The following BPIFB2 variants were observed in gnomAD, a reference collection of about 807,000 sequenced individuals.
BPIFB2 encodes the protein BPI fold containing family B member 2.
Under a neutral mutation model 50.1 loss-of-function variants are expected in BPIFB2, and 39 were observed. That is an observed-to-expected ratio of 0.78 (90% CI 0.60 to 1.02). BPIFB2 has a LOEUF of 1.02. BPIFB2 is among the 50% of genes least tolerant of loss of function. BPIFB2 has a pLI of 0.00. For missense variants in BPIFB2, 574 were observed against 585.8 expected, an observed-to-expected ratio of 0.98 and a Z score of 0.21; for synonymous variants, 280 against 256.3, an observed-to-expected ratio of 1.09 and a Z score of -0.88.
At position 33,012,877 on chromosome 20, in the gene BPIFB2, C is replaced by T. The variant is rs780565069; in HGVS notation, c.278C>T (p.Ala93Val). Reference sequence around the variant, plus strand: ...GCTGGTTTCGGAGTGCGCCTGCTGGCAGCAGCTAATTTTACTTTCAAGGTC... The same window carrying T: ...GCTGGTTTCGGAGTGCGCCTGCTGGTAGCAGCTAATTTTACTTTCAAGGTC... ...FIAGFGVRLL[A>V]AANFTFKVFR... Residue 93 changes from alanine (A) to valine (V), a missense_variant, in exon 4 of 16, where the codon GCA (alanine) becomes GTA (valine). Coordinates refer to ENST00000170150, the MANE Select transcript of BPIFB2 (RefSeq NM_025227.3). 6.2e-7 allele frequency: 1 copy of T among 1,613,870 alleles called. No individual in the cohort carries two copies. Among genetic ancestry groups the T allele is most frequent in the South Asian group, 1.1e-5 (1 of 91,066 alleles).
At chr20:33,013,021 T>A in intron 4 of BPIFB2, 114 bp downstream of exon 4, 1 of 803,560 alleles carries the variant, frequency 1.2e-6, no homozygotes, top group Non-Finnish European at 2.1e-6. Context: ...GCCTCTTGAC[T>A]CTCTGTCCAG....
At chr20:33,008,265 C>T (rs1289891982) in intron 1 of BPIFB2, among the ~76,000 whole-genome samples, 2 of 152,136 alleles carry the variant, frequency 1.3e-5, no homozygotes, top group Admixed American at 1.3e-4. Context: ...TTGGGTCCTG[C>T]ACCTGGTCCC....
chr20:33,023,262 C>A, intron 15 of BPIFB2, 80 bp from the exon 16 acceptor site: 3 of 1,428,052 alleles, frequency 2.1e-6, no homozygotes, highest in Non-Finnish European at 3.0e-6. Context: ...CAGAGCAGAA[C>A]TCAGAGCCAG....
intron 15 of BPIFB2, 80 bp downstream of exon 15, chr20:33,021,879 C>A: frequency 7.1e-7 from 1 of 1,400,082 alleles, no homozygotes; most frequent in Non-Finnish European, 1.0e-6. Flanking sequence ...TCTCTCCCTC[C>A]CCCTCTGTGG....
intron 15 of BPIFB2, among the ~76,000 whole-genome samples, chr20:33,022,129 C>T (rs1056011143): frequency 2.6e-5 from 4 of 152,188 alleles, no homozygotes; most frequent in South Asian, 2.1e-4. Context: ...ACAAACTGTG[C>T]AGGCTGGATG....
Position 33,021,330 on chromosome 20 carries a change from T to G in BPIFB2, c.1244T>G (p.Leu415Arg). 3 of 1,613,742 alleles carry G rather than the reference T, an allele frequency of 1.9e-6. No homozygotes were observed. The highest frequency in any genetic ancestry group is 2.5e-6 in the Non-Finnish European group (3 of 1,179,898). The change falls in exon 14 of 16, where the codon CTG (leucine) becomes CGG (arginine). Residue 415 changes from leucine to arginine, a missense_variant. Transcript: ENST00000170150. ...GGCACCGTTTTTGAGAAGCCCCTGC[T>G]GGACCATCTCAATGGTAAGCCCTGC... Reference protein sequence around the residue: ...LMGTVFEKPLLDHLNALLAMG... With the variant: ...LMGTVFEKPLRDHLNALLAMG...
rs367604815 is a variant in BPIFB2 at position 33,017,003 on chromosome 20, T to A, written c.517-39T>A. On this transcript the variant is annotated intron_variant, in intron 6 of 15. Coordinates refer to ENST00000170150, the MANE Select transcript of BPIFB2 (RefSeq NM_025227.3). ...GCCTTGTGCCCTCCAGCCCCAGGGC[T>A]GCCCTAACCCCAGCCTCCTTCTCTC... The A allele has an allele frequency of 1.5e-5, 24 of 1,598,028 alleles. No individual in the cohort carries two copies. The African/African-American group carries it at 2.7e-4, about 18-fold the overall frequency.
rs1990250620 is a variant in BPIFB2, at chr20:33,009,014, C to G, written c.109+331C>G. Among the ~76,000 whole-genome samples, 1 of 152,182 alleles carries G rather than the reference C, an allele frequency of 6.6e-6. No homozygotes were observed. Among genetic ancestry groups the G allele is most frequent in the Non-Finnish European group, 1.5e-5 (1 of 68,046 alleles). On this transcript the variant is annotated intron_variant, in intron 2 of 15. Coordinates refer to ENST00000170150, the MANE Select transcript of BPIFB2 (RefSeq NM_025227.3). This position sits in a 1 kb window ranked among gnomAD's most constrained non-coding sequence, Gnocchi z 4.2. The stretch of plus-strand genomic sequence containing the variant: ...CTTATGAGTTTGAAATTTCATAGAG[C>G]TGTGCCCACGTGTGTACTTAAGTGT...
At chr20:33,021,432 A>C in intron 14 of BPIFB2, 88 bp downstream of exon 14, 1 of 1,417,542 alleles carries the variant, frequency 7.1e-7, no homozygotes, top group Non-Finnish European at 9.7e-7. Flanking sequence ...CCCCCTTCCC[A>C]CCTCCCAGGC....
chr20:33,011,704 C>T (rs921587207), intron 3 of BPIFB2, among the ~76,000 whole-genome samples: 7 of 152,196 alleles, frequency 4.6e-5, no homozygotes, highest in African/African-American at 1.4e-4. Flanking sequence ...AAAGCCCAGG[C>T]GCAGTGGTCC....
chr20:33,014,831 A>T (rs1426935752), intron 5 of BPIFB2, among the ~76,000 whole-genome samples: 1 of 152,342 alleles, frequency 6.6e-6, no homozygotes, highest in South Asian at 2.1e-4. Context: ...GGATGCTCAC[A>T]GCTTATTGAA....
In BPIFB2 at chr20:33,017,090, G is replaced by A. The variant is rs930579273; in HGVS notation, c.565G>A (p.Gly189Ser). ...NLVQGVNVHL[G>S]TLIGLNPVGP... Reference sequence around the variant, plus strand: ...GGTGCAGGGTGTCAATGTCCACCTGGGCACCTTAATTGGTAAGATCTGGGA... The same window carrying A: ...GGTGCAGGGTGTCAATGTCCACCTGAGCACCTTAATTGGTAAGATCTGGGA... The change falls in exon 7 of 16, where the codon GGC (glycine) becomes AGC (serine). Residue 189 changes from glycine to serine, a missense_variant. Transcript: ENST00000170150. 3.7e-6 allele frequency: 6 copies of A among 1,613,920 alleles called. No homozygotes were observed. The African/African-American group carries it at 6.7e-5, about 18-fold the overall frequency.
Position 33,010,926 on chromosome 20 carries a change from C to A in BPIFB2, c.110-98C>A, listed in dbSNP as rs1163435516. The A allele has an allele frequency of 1.4e-5, 15 of 1,046,764 alleles. No homozygotes were observed. The African/African-American group carries it at 2.0e-4, about 14-fold the overall frequency. The allele number at this position is 1,046,764 out of a possible 1,614,324, so 64.8% of individuals were successfully genotyped here. The stretch of plus-strand genomic sequence containing the variant: ...AAGCCTACCCCTTCCAGTCTGAGTA[C>A]CCTCTGCCCAAGGTGCAGGGTAGAT... On this transcript the variant is annotated intron_variant, in intron 2 of 15. Coordinates refer to ENST00000170150, the MANE Select transcript of BPIFB2 (RefSeq NM_025227.3).
At chr20:33,010,989 G>A in intron 2 of BPIFB2, 35 bp from the exon 3 acceptor site, 1 of 1,585,758 alleles carries the variant, frequency 6.3e-7, no homozygotes, top group Middle Eastern at 1.7e-4. Flanking sequence ...TGGTTCCCGA[G>A]GGCACCCTGA....
chr20:33,009,707 G>A lies in BPIFB2; in HGVS notation c.109+1024G>A, dbSNP rs888769225. On this transcript the variant is annotated intron_variant, in intron 2 of 15. Coordinates refer to ENST00000170150, the MANE Select transcript of BPIFB2 (RefSeq NM_025227.3). The surrounding 1 kb of genome is among the most constrained non-coding windows in gnomAD (Gnocchi z 4.2). ...CTGCAGGTAGGGCCATGAGGCCCGC[G>A]CCCTCCGCCGCCTTCCTGCCCTCTG... 1.3e-5 allele frequency among the ~76,000 whole-genome samples: 2 copies of A among 152,232 alleles called. No homozygotes were observed. Among genetic ancestry groups the A allele is most frequent in the African/African-American group, 4.8e-5 (2 of 41,464 alleles).
intron 6 of BPIFB2, among the ~76,000 whole-genome samples, chr20:33,016,092 G>C (rs1410401507): frequency 6.6e-6 from 1 of 152,076 alleles, no homozygotes; most frequent in South Asian, 2.1e-4. Context: ...CCAGGGGCTA[G>C]GGTCCCACTG....
chr20:33,011,018 C>T lies in BPIFB2; in HGVS notation c.110-6C>T, dbSNP rs765444000. The T allele has an allele frequency of 6.2e-7, 1 of 1,613,508 alleles. No individual in the cohort carries two copies. Among genetic ancestry groups the T allele is most frequent in the African/African-American group, 1.3e-5 (1 of 74,892 alleles). On this transcript the variant is annotated splice_polypyrimidine_tract_variant and splice_region_variant and intron_variant, in intron 2 of 15. Coordinates refer to ENST00000170150, the MANE Select transcript of BPIFB2 (RefSeq NM_025227.3). ...ACCCTGACCTCACTCTACCCTGGCCCCACAGTGTCTGAAATTGGGAAAGCC... is the reference window on the plus strand; with the variant it reads ...ACCCTGACCTCACTCTACCCTGGCCTCACAGTGTCTGAAATTGGGAAAGCC...
chr20:33,023,661 T>G lies in BPIFB2; in HGVS notation c.*278T>G, dbSNP rs1452761444. The stretch of plus-strand genomic sequence containing the variant: ...GAGCAGACTGCTCCTCCAGGCTGTA[T>G]AGACCTGCCCTCTTGCATTAAACAA... On this transcript the variant is annotated 3_prime_UTR_variant, in exon 16 of 16. Coordinates refer to ENST00000170150, the MANE Select transcript of BPIFB2 (RefSeq NM_025227.3). 4 of 550,450 alleles carry G rather than the reference T, an allele frequency of 7.3e-6. No individual in the cohort carries two copies. In the East Asian group the frequency reaches 9.4e-5, roughly 13 times the overall value. The allele number at this position is 550,450 out of a possible 1,614,324, so 34.1% of individuals were successfully genotyped here.
At chr20:33,012,299 C>T (rs1329904349) in intron 3 of BPIFB2, among the ~76,000 whole-genome samples, 1 of 152,154 alleles carries the variant, frequency 6.6e-6, no homozygotes, top group East Asian at 1.9e-4. Context: ...AGTGCACAGA[C>T]GCAGCTTCTG....
Sources: gnomAD v4.1 joint callset for allele counts (sites outside exome capture counted in the v4.1 genomes callset) on GRCh38, gnomAD v4.1.1 for gene constraint, Gnocchi (gnomAD v3.1) non-coding constraint, MANE v1.5 for transcripts, NCBI Gene and HGNC (gene_info 2026-07-23, HGNC 2026-07-21) for gene names.